Variants in EFNA5 observed in about 807,000 individuals in gnomAD.
EFNA5 encodes the protein ephrin-A5.
A neutral mutation model predicts 22.9 loss-of-function variants in EFNA5; 5 were observed. The ratio of observed to expected loss-of-function variants is 0.22; its 90% CI spans 0.11 to 0.46. EFNA5 has a LOEUF of 0.46. EFNA5 is among the 20% of genes least tolerant of loss of function. EFNA5 has a pLI of 0.99. For missense variants in EFNA5, 237 were observed against 293.3 expected (o/e 0.81, Z 1.40); for synonymous variants, 113 against 112.2 (o/e 1.01, Z -0.04).
At chr5:107,630,961 C>T (rs1750237064) in intron 1 of EFNA5, among the ~76,000 whole-genome samples, 1 of 152,180 alleles carries the variant, frequency 6.6e-6, no homozygotes, top group South Asian at 2.1e-4. Flanking sequence ...TCCCCCTCCA[C>T]ATCTTGTCCT....
rs950522044 is a variant in EFNA5 at position 107,377,945 on chromosome 5, T to G, written c.*3310A>C. The G allele has an allele frequency of 1.5e-4, 23 of 152,144 alleles. No homozygotes were observed. The highest frequency in any genetic ancestry group is 5.6e-4 in the African/African-American group (23 of 41,428). 9.4% of individuals were successfully genotyped at this position (152,144 alleles called of 1,614,324 possible). ...CATGTTGTTCCAGGTCCCAAGATGA[T>G]GGAGTCATAAGATTGGGTGGGCAAT... On this transcript the variant is annotated 3_prime_UTR_variant, in exon 5 of 5. Transcript: ENST00000333274.
intron 1 of EFNA5, among the ~76,000 whole-genome samples, chr5:107,597,404 A>G (rs1749494553): frequency 6.6e-6 from 1 of 152,198 alleles, no homozygotes; most frequent in Non-Finnish European, 1.5e-5. Context: ...CATCTTCCGC[A>G]AAATTATTTC....
chr5:107,517,676 T>G (rs887160030), intron 1 of EFNA5, among the ~76,000 whole-genome samples: 3 of 152,220 alleles, frequency 2.0e-5, no homozygotes, highest in Admixed American at 6.5e-5. Flanking sequence ...TCATGTTCTG[T>G]GACAAGTCAT....
At chr5:107,537,985 G>T (rs153190) in intron 1 of EFNA5, among the ~76,000 whole-genome samples, 6,501 of 152,214 alleles carry the variant, frequency 0.043, 475 homozygotes, top group African/African-American at 0.15. Flanking sequence ...CTGAAGAAAA[G>T]GGGTATATTG....
intron 1 of EFNA5, among the ~76,000 whole-genome samples, chr5:107,602,475 T>G (rs1749619504): frequency 6.6e-6 from 1 of 152,192 alleles, no homozygotes; most frequent in Admixed American, 6.5e-5. Context: ...GAATTGCTTC[T>G]CATTTTTTGG....
At chr5:107,471,032 T>A (rs1361843568) in intron 1 of EFNA5, among the ~76,000 whole-genome samples, 1 of 152,192 alleles carries the variant, frequency 6.6e-6, no homozygotes, top group Non-Finnish European at 1.5e-5. Context: ...AATACTATTG[T>A]CACTCATGCA....
At chr5:107,662,948 T>C (rs1236826574) in intron 1 of EFNA5, among the ~76,000 whole-genome samples, 1 of 152,000 alleles carries the variant, frequency 6.6e-6, no homozygotes, top group Non-Finnish European at 1.5e-5. Context: ...AAAATATGTA[T>C]GGAAACATGG....
chr5:107,476,057 T>TATACATATATATATATATATA, intron 1 of EFNA5, among the ~76,000 whole-genome samples: 2 of 100,430 alleles, frequency 2.0e-5, no homozygotes, highest in Non-Finnish European at 3.7e-5. Flanking sequence ...TATATATATA[T>TATACATATATATATATATATA]TTTTTTTTTT....
At chr5:107,511,143 C>T (rs1424641095) in intron 1 of EFNA5, among the ~76,000 whole-genome samples, 1 of 152,054 alleles carries the variant, frequency 6.6e-6, no homozygotes, top group Non-Finnish European at 1.5e-5. Context: ...TCTCCTGTCT[C>T]AGCCTCTCTA....
intron 2 of EFNA5, among the ~76,000 whole-genome samples, chr5:107,401,383 G>GT (rs1748080228): frequency 6.6e-6 from 1 of 152,132 alleles, no homozygotes; most frequent in Non-Finnish European, 1.5e-5. Flanking sequence ...TGGCTTTGAA[G>GT]TTTGCTAATT....
chr5:107,388,115 C>T (rs1292069700), intron 2 of EFNA5, among the ~76,000 whole-genome samples: 1 of 152,128 alleles, frequency 6.6e-6, no homozygotes, highest in African/African-American at 2.4e-5. Flanking sequence ...ATGTGTGAGC[C>T]CTCCAGCTTT....
At chr5:107,655,101 AT>A (rs1750796539) in intron 1 of EFNA5, among the ~76,000 whole-genome samples, 1 of 152,060 alleles carries the variant, frequency 6.6e-6, no homozygotes, top group South Asian at 2.1e-4. Flanking sequence ...AGGAATTAGT[AT>A]TTTAATAACA....
intron 1 of EFNA5, among the ~76,000 whole-genome samples, chr5:107,635,307 T>G (rs947042028): frequency 7.2e-5 from 11 of 152,260 alleles, no homozygotes; most frequent in African/African-American, 2.7e-4. Context: ...CTTATAATTT[T>G]TAGCCCAAAG....
chr5:107,663,810 T>A (rs1488190546), intron 1 of EFNA5, among the ~76,000 whole-genome samples: 1 of 152,154 alleles, frequency 6.6e-6, no homozygotes, highest in Non-Finnish European at 1.5e-5. Context: ...TTAAAATAGA[T>A]TTTTAAAAAT....
intron 1 of EFNA5, among the ~76,000 whole-genome samples, chr5:107,599,334 A>T (rs888733981): frequency 6.6e-6 from 1 of 152,232 alleles, no homozygotes; most frequent in South Asian, 2.1e-4. Flanking sequence ...TTCCAATTTA[A>T]AAAGCAAGAT....
intron 1 of EFNA5, among the ~76,000 whole-genome samples, chr5:107,628,350 C>A (rs1304939678): frequency 6.6e-6 from 1 of 152,118 alleles, no homozygotes; most frequent in Non-Finnish European, 1.5e-5. Context: ...TATTAAGTTA[C>A]ACATATTGTA....
At chr5:107,533,924 CA>C (rs1232664786) in intron 1 of EFNA5, among the ~76,000 whole-genome samples, 1 of 152,200 alleles carries the variant, frequency 6.6e-6, no homozygotes, top group Non-Finnish European at 1.5e-5. Flanking sequence ...GAGCCTGAAC[CA>C]CACTTTACCT....
chr5:107,460,048 A>G (rs545605174), intron 1 of EFNA5, among the ~76,000 whole-genome samples: 163 of 152,292 alleles, frequency 1.1e-3, no homozygotes, highest in Non-Finnish European at 1.8e-3. Context: ...GTTTAAAATC[A>G]GGAAAGGCTA....
intron 1 of EFNA5, among the ~76,000 whole-genome samples, chr5:107,466,884 G>A (rs1750001745): frequency 6.6e-6 from 1 of 152,154 alleles, no homozygotes; most frequent in African/African-American, 2.4e-5. Flanking sequence ...ACTAGGCTAA[G>A]AGAAATACCG....
Sources: gnomAD v4.1 joint callset for allele counts (sites outside exome capture counted in the v4.1 genomes callset) on GRCh38, gnomAD v4.1.1 for gene constraint, MANE v1.5 for transcripts, NCBI Gene and HGNC (gene_info 2026-07-23, HGNC 2026-07-21) for gene names.